The following COXFA4L2 variants were observed in gnomAD, a reference collection of about 807,000 sequenced individuals.
COXFA4L2 encodes the protein NADH dehydrogenase (ubiquinone) 1 alpha subcomplex, 4-like 2.
the COXFA4L2 span, chr12:57,236,647 A>C: frequency 6.3e-7 from 1 of 1,579,264 alleles, no homozygotes; most frequent in Non-Finnish European, 8.6e-7. Context: ...AGCGCTGCCC[A>C]TGCCCAGGCA....
At chr12:57,236,274 A>G in the COXFA4L2 span, 5 of 370,978 alleles carry the variant, frequency 1.3e-5, no homozygotes, top group Non-Finnish European at 1.9e-5. Context: ...CCCGGCCACA[A>G]CCCCAGTGCT....
the COXFA4L2 span, among the ~76,000 whole-genome samples, chr12:57,238,311 G>A: frequency 1.3e-5 from 2 of 152,162 alleles, no homozygotes; most frequent in Admixed American, 1.3e-4. This position sits in a 1 kb window ranked among gnomAD's most constrained non-coding sequence, Gnocchi z 6.8. Flanking sequence ...ATTAGGCTGC[G>A]GGGTCCCGGG....
At chr12:57,236,574 T>G in the COXFA4L2 span, 11 of 1,559,132 alleles carry the variant, frequency 7.1e-6, no homozygotes, top group Non-Finnish European at 9.5e-6. Flanking sequence ...CCCGTGAGCA[T>G]CCCAAGCCGT....
the COXFA4L2 span, chr12:57,236,833 C>T: frequency 2.0e-6 from 2 of 1,019,858 alleles, no homozygotes; most frequent in Non-Finnish European, 3.0e-6. Context: ...GGCATGGTCT[C>T]CCTCACCCTA....
the COXFA4L2 span, chr12:57,235,361 A>G: frequency 3.2e-6 from 2 of 617,240 alleles, no homozygotes; most frequent in Admixed American, 5.7e-5. Flanking sequence ...ACTCAAGCCA[A>G]GGGTCAGAGG....
the COXFA4L2 span, chr12:57,240,606 T>C: frequency 2.1e-6 from 2 of 948,496 alleles, no homozygotes; most frequent in South Asian, 4.9e-5. Flanking sequence ...CGTCACACTG[T>C]CATTCGGATA....
At chr12:57,235,740 G>T in the COXFA4L2 span, 3 of 1,604,472 alleles carry the variant, frequency 1.9e-6, no homozygotes, top group South Asian at 3.3e-5. Context: ...TAGAGCCATC[G>T]AGAGGTACCT....
chr12:57,235,489 C>A, the COXFA4L2 span: 3 of 1,505,894 alleles, frequency 2.0e-6, no homozygotes. Context: ...TGCCTTGGGG[C>A]CTGCGGGGAG....
chr12:57,236,663 AGCC>A, the COXFA4L2 span: 1 of 1,572,194 alleles, frequency 6.4e-7, no homozygotes, highest in Non-Finnish European at 8.6e-7. Context: ...AGGCAGATTA[AGCC>A]GATCATCGGG....
At chr12:57,236,433 C>CG in the COXFA4L2 span, 10 of 592,806 alleles carry the variant, frequency 1.7e-5, no homozygotes, top group Non-Finnish European at 2.9e-5. Flanking sequence ...GGAGGGGATA[C>CG]GGGGGTCTCC....
chr12:57,238,701 G>T, the COXFA4L2 span, among the ~76,000 whole-genome samples: 1 of 152,170 alleles, frequency 6.6e-6, no homozygotes, highest in African/African-American at 2.4e-5. This position sits in a 1 kb window ranked among gnomAD's most constrained non-coding sequence, Gnocchi z 6.8. Context: ...TGTGCCCTTT[G>T]TTCTGAGTTC....
chr12:57,237,275 G>A, the COXFA4L2 span: 1 of 1,443,550 alleles, frequency 6.9e-7, no homozygotes, highest in Non-Finnish European at 9.1e-7. Context: ...AAGCCTGTAG[G>A]GGAATTGTCT....
chr12:57,238,943 T>C, the COXFA4L2 span, among the ~76,000 whole-genome samples: 1 of 152,234 alleles, frequency 6.6e-6, no homozygotes, highest in Non-Finnish European at 1.5e-5. This position sits in a 1 kb window ranked among gnomAD's most constrained non-coding sequence, Gnocchi z 6.8. Context: ...TCGTGGCCCA[T>C]GGGGCCGATC....
the COXFA4L2 span, chr12:57,236,984 G>T: frequency 6.2e-7 from 1 of 1,610,986 alleles, no homozygotes; most frequent in Non-Finnish European, 8.5e-7. Flanking sequence ...GGGTGGGGCA[G>T]CAGGAGAGTT....
At chr12:57,236,798 G>C in the COXFA4L2 span, 3 of 992,502 alleles carry the variant, frequency 3.0e-6, no homozygotes, top group Non-Finnish European at 4.5e-6. Flanking sequence ...CTCCCTCCCT[G>C]GAATCTCCTA....
At chr12:57,238,491 A>G in the COXFA4L2 span, among the ~76,000 whole-genome samples, 1 of 152,086 alleles carries the variant, frequency 6.6e-6, no homozygotes, top group South Asian at 2.1e-4. The surrounding 1 kb of genome is among the most constrained non-coding windows in gnomAD (Gnocchi z 6.8). Flanking sequence ...TCCAGGGCCC[A>G]GGAAGGGAGG....
the COXFA4L2 span, chr12:57,240,731 T>A: frequency 1.0e-6 from 1 of 985,294 alleles, no homozygotes; most frequent in Non-Finnish European, 1.2e-6. Flanking sequence ...TCTTCCTGAT[T>A]TTCACACATA....
At chr12:57,235,955 A>G in the COXFA4L2 span, 471 of 584,804 alleles carry the variant, frequency 8.1e-4, 2 homozygotes, top group African/African-American at 4.4e-3. Context: ...TTTCCCAGAT[A>G]CTGACAAAGG....
At chr12:57,237,042 T>C in the COXFA4L2 span, 1 of 1,614,202 alleles carries the variant, frequency 6.2e-7, no homozygotes, top group Non-Finnish European at 8.5e-7. Flanking sequence ...CGGATGTCTT[T>C]TGATCTGCCG....
Sources: gnomAD v4.1 joint callset for allele counts (sites outside exome capture counted in the v4.1 genomes callset) on GRCh38, gnomAD v4.1.1 for gene constraint, Gnocchi (gnomAD v3.1) non-coding constraint, MANE v1.5 for transcripts, NCBI Gene and HGNC (gene_info 2026-07-23, HGNC 2026-07-21) for gene names.